The following CLYBL variants were observed in gnomAD, a reference collection of about 807,000 sequenced individuals.
CLYBL encodes the protein citramalyl-CoA lyase, also known as citramalyl-CoA lyase, mitochondrial.
CLYBL carries 31 observed loss-of-function variants against 38.9 expected under a neutral mutation model. That is an observed-to-expected ratio of 0.80 (90% confidence interval 0.60 to 1.08). The LOEUF (loss-of-function observed/expected upper bound fraction) is 1.08, where lower values mean the gene tolerates loss of function less well. Among genes scored for constraint, CLYBL ranks in the 50% least tolerant of loss-of-function variants. The probability of loss-of-function intolerance (pLI) is 0.00; values close to 1 mark genes in which losing one functional copy is unlikely to be tolerated. For synonymous variants in CLYBL, 171 were observed against 158.6 expected, an observed-to-expected ratio of 1.08 and a Z score of -0.59; for missense variants, 434 against 411.6, an observed-to-expected ratio of 1.05 and a Z score of -0.47.
intron 2 of CLYBL, among the ~76,000 whole-genome samples, chr13:99,840,750 CAAAAAAAAAAAAAAA>C (rs59274056): frequency 6.0e-5 from 1 of 16,788 alleles, no homozygotes; most frequent in Non-Finnish European, 1.0e-4. Flanking sequence ...ACCCTTGTCT[CAAAAAAAAAAAAAAA>C]AAAAAAAAAA....
chr13:99,732,169 GTTTTTTTTT>G (rs35027014), intron 1 of CLYBL, among the ~76,000 whole-genome samples: 1 of 90,780 alleles, frequency 1.1e-5, no homozygotes, highest in African/African-American at 4.4e-5. Context: ...TTATATGGCA[GTTTTTTTTT>G]TTTTTTTTTT....
At chr13:99,783,505 G>A (rs555177175) in intron 2 of CLYBL, among the ~76,000 whole-genome samples, 14 of 151,740 alleles carry the variant, frequency 9.2e-5, no homozygotes, top group African/African-American at 2.7e-4. Flanking sequence ...CACCCAGGCC[G>A]GAGTGCAGTG....
At chr13:99,793,468 G>A (rs2390359) in intron 2 of CLYBL, among the ~76,000 whole-genome samples, 26,177 of 151,980 alleles carry the variant, frequency 0.17, 2,928 homozygotes, top group East Asian at 0.37. Context: ...TAAAGGTTCT[G>A]ATATAAAAAC....
intron 5 of CLYBL, 98 bp from the exon 6 acceptor site, chr13:99,866,142 A>T: frequency 8.6e-7 from 1 of 1,162,094 alleles, no homozygotes; most frequent in Non-Finnish European, 1.2e-6. Flanking sequence ...ATTTCCAGGG[A>T]GGTTTAGATA....
At chr13:99,894,154 A>AAAAC, downstream of CLYBL, 1 of 152,260 alleles carries the variant, frequency 6.6e-6, no homozygotes, top group Non-Finnish European at 1.5e-5. Flanking sequence ...TAGGAAGAAG[A>AAAAC]TGCTGGAAGG....
chr13:99,894,905 G>A (rs959719098), downstream of CLYBL: 3 of 152,222 alleles, frequency 2.0e-5, no homozygotes, highest in African/African-American at 7.2e-5. Flanking sequence ...GTGAGCACAA[G>A]TTAGGAAGTT....
At chr13:99,866,737 G>A (rs568133029) in intron 6 of CLYBL, among the ~76,000 whole-genome samples, 5 of 151,622 alleles carry the variant, frequency 3.3e-5, no homozygotes, top group South Asian at 2.1e-4. Flanking sequence ...TGAGTGAACC[G>A]CCATAAGAAT....
intron 1 of CLYBL, among the ~76,000 whole-genome samples, chr13:99,647,127 G>C (rs2047188417): frequency 6.6e-6 from 1 of 152,186 alleles, no homozygotes; most frequent in Non-Finnish European, 1.5e-5. Flanking sequence ...AAGGGGGGCT[G>C]GGTGGCCAGT....
intron 7 of CLYBL, among the ~76,000 whole-genome samples, chr13:99,872,353 C>T (rs973197183): frequency 6.6e-6 from 1 of 152,194 alleles, no homozygotes; most frequent in Non-Finnish European, 1.5e-5. Flanking sequence ...TAATGCATTT[C>T]ATAGAAACAA....
At chr13:99,774,655 T>C (rs1246382944) in intron 2 of CLYBL, among the ~76,000 whole-genome samples, 1 of 152,220 alleles carries the variant, frequency 6.6e-6, no homozygotes, top group Non-Finnish European at 1.5e-5. Context: ...ATATTTGCCT[T>C]AATTTTAAAG....
intron 2 of CLYBL, among the ~76,000 whole-genome samples, chr13:99,858,351 A>C (rs1464792971): frequency 6.6e-6 from 1 of 152,218 alleles, no homozygotes; most frequent in Non-Finnish European, 1.5e-5. Context: ...AGTTGCAAAA[A>C]AATAGTGAGT....
intron 1 of CLYBL, among the ~76,000 whole-genome samples, chr13:99,613,415 A>G (rs552453990): frequency 6.6e-6 from 1 of 152,256 alleles, no homozygotes; most frequent in South Asian, 2.1e-4. Context: ...AGGGCCATGG[A>G]AGGTGGCTGA....
chr13:99,897,940 C>CAAAAAAA (rs10635703), downstream of CLYBL, among the ~76,000 whole-genome samples: 143 of 149,792 alleles, frequency 9.5e-4, 1 homozygote, highest in Admixed American at 5.1e-3. Context: ...AATGCCGTCT[C>CAAAAAAA]AAAAAAAAGA....
At chr13:99,655,842 A>G (rs1352489371) in intron 1 of CLYBL, among the ~76,000 whole-genome samples, 1 of 152,218 alleles carries the variant, frequency 6.6e-6, no homozygotes, top group Non-Finnish European at 1.5e-5. Flanking sequence ...GATATTGATG[A>G]GTGAACCATT....
At chr13:99,730,628 G>A (rs953443826) in intron 1 of CLYBL, among the ~76,000 whole-genome samples, 1 of 152,186 alleles carries the variant, frequency 6.6e-6, no homozygotes, top group African/African-American at 2.4e-5. Flanking sequence ...GGGAGCAGCA[G>A]AGCCGCCCAA....
intron 2 of CLYBL, among the ~76,000 whole-genome samples, chr13:99,811,117 C>T (rs187636810): frequency 4.6e-5 from 7 of 152,320 alleles, no homozygotes; most frequent in Admixed American, 2.6e-4. Flanking sequence ...GACCTGATTT[C>T]CATCAATCCC....
At chr13:99,840,020 A>G (rs1253189609) in intron 2 of CLYBL, among the ~76,000 whole-genome samples, 1 of 127,402 alleles carries the variant, frequency 7.8e-6, no homozygotes, top group Non-Finnish European at 1.5e-5. Context: ...TCTATTCTCT[A>G]TCTTACAAGC....
chr13:99,856,694 A>G (rs1239626916), intron 2 of CLYBL, among the ~76,000 whole-genome samples: 2 of 152,098 alleles, frequency 1.3e-5, no homozygotes, highest in African/African-American at 4.8e-5. Context: ...GCTGGAGTGC[A>G]GAGGTACAGT....
intron 2 of CLYBL, among the ~76,000 whole-genome samples, chr13:99,848,184 T>A (rs1161495055): frequency 1.3e-5 from 2 of 152,096 alleles, no homozygotes; most frequent in African/African-American, 4.8e-5. Flanking sequence ...TCCAACCCCC[T>A]TCTCAGCTTG....
Sources: allele counts gnomAD v4.1 joint callset (sites outside exome capture counted in the v4.1 genomes callset), GRCh38; gene constraint gnomAD v4.1.1; transcripts MANE v1.5; gene names NCBI Gene and HGNC (gene_info 2026-07-23, HGNC 2026-07-21).